The following ZFHX3 variants were observed in gnomAD, a reference collection of about 807,000 sequenced individuals.
ZFHX3 encodes zinc finger homeobox protein 3.
ZFHX3 carries 42 observed loss-of-function variants against 279.1 expected under a neutral mutation model. That is an observed-to-expected ratio of 0.15 (90% CI 0.12 to 0.19). The LOEUF is 0.19. Among genes scored for constraint, ZFHX3 ranks in the 10% least tolerant of loss-of-function variants. ZFHX3 has a pLI of 1.00. For missense variants in ZFHX3, 4,981 were observed against 4,754.0 expected (o/e 1.05, Z -1.40); for synonymous variants, 2,293 against 1,957.8 (o/e 1.17, Z -4.52).
At chr16:73,264,006 A>G (rs1382864594) in intron 4 of ZFHX3, among the ~76,000 whole-genome samples, 3 of 152,114 alleles carry the variant, frequency 2.0e-5, no homozygotes, top group African/African-American at 7.2e-5. Flanking sequence ...GTCCCTACCA[A>G]AAATACATAA....
intron 4 of ZFHX3, among the ~76,000 whole-genome samples, chr16:72,885,083 A>G (rs1480286495): frequency 1.3e-5 from 2 of 152,252 alleles, no homozygotes; most frequent in Non-Finnish European, 2.9e-5. Flanking sequence ...TTTTTAAAAC[A>G]GGAAGGCCCA....
chr16:73,624,036 G>C (rs369917331), intron 2 of ZFHX3, among the ~76,000 whole-genome samples: 1 of 152,068 alleles, frequency 6.6e-6, no homozygotes, highest in African/African-American at 2.4e-5. Flanking sequence ...AGTTGCATCC[G>C]TCCAACCATG....
intron 3 of ZFHX3, among the ~76,000 whole-genome samples, chr16:73,423,840 A>G (rs1222441892): frequency 7.2e-6 from 1 of 139,562 alleles, no homozygotes; most frequent in Non-Finnish European, 1.5e-5. Flanking sequence ...CTAGCTTGTG[A>G]GACAGGGTGA....
intron 1 of ZFHX3, among the ~76,000 whole-genome samples, chr16:73,747,027 T>C (rs1187750100): frequency 6.6e-6 from 1 of 152,208 alleles, no homozygotes; most frequent in South Asian, 2.1e-4. Flanking sequence ...GCACCTTTGT[T>C]TCACAAATGA....
intron 1 of ZFHX3, among the ~76,000 whole-genome samples, chr16:73,688,989 G>A (rs1398474692): frequency 6.6e-6 from 1 of 152,102 alleles, no homozygotes; most frequent in East Asian, 1.9e-4. Flanking sequence ...TCTTTCTTTT[G>A]TGAATTGCCT....
At chr16:72,987,886 A>C (rs1179821735) in intron 1 of ZFHX3, among the ~76,000 whole-genome samples, 1 of 152,096 alleles carries the variant, frequency 6.6e-6, no homozygotes, top group Middle Eastern at 3.2e-3. Flanking sequence ...GGACAGACAA[A>C]CGCCACCTAC....
chr16:73,861,341 A>C (rs568341428), intron 1 of ZFHX3, among the ~76,000 whole-genome samples: 93 of 152,290 alleles, frequency 6.1e-4, no homozygotes, highest in Non-Finnish European at 1.2e-3. Context: ...ATTCTAGGTG[A>C]TGGTTGCCTC....
intron 4 of ZFHX3, among the ~76,000 whole-genome samples, chr16:73,272,807 C>T (rs748173489): frequency 4.6e-5 from 7 of 152,224 alleles, no homozygotes; most frequent in South Asian, 4.2e-4. Flanking sequence ...AGCACAGTGG[C>T]GATGACATGG....
intron 1 of ZFHX3, among the ~76,000 whole-genome samples, chr16:73,863,732 T>C (rs1019697205): frequency 2.0e-5 from 3 of 152,186 alleles, no homozygotes; most frequent in Non-Finnish European, 4.4e-5. Flanking sequence ...TTTTATGCCT[T>C]CTTTATGTCT....
At chr16:73,671,678 G>C (rs2052905432) in intron 2 of ZFHX3, among the ~76,000 whole-genome samples, 1 of 152,206 alleles carries the variant, frequency 6.6e-6, no homozygotes, top group South Asian at 2.1e-4. Context: ...GGAAGTCTAA[G>C]AAAGCAATTG....
At chr16:73,166,438 G>T (rs1967369944) in intron 5 of ZFHX3, among the ~76,000 whole-genome samples, 1 of 152,184 alleles carries the variant, frequency 6.6e-6, no homozygotes, top group Non-Finnish European at 1.5e-5. Context: ...AACCTGGCAG[G>T]CATTTGGATA....
chr16:73,172,428 C>T (rs1597201654), intron 5 of ZFHX3, among the ~76,000 whole-genome samples: 1 of 152,182 alleles, frequency 6.6e-6, no homozygotes, highest in East Asian at 1.9e-4. Context: ...CAAAATAGCC[C>T]CAGCCGAGCT....
chr16:73,004,072 T>C (rs1963605234), intron 1 of ZFHX3, among the ~76,000 whole-genome samples: 1 of 151,796 alleles, frequency 6.6e-6, no homozygotes, highest in Admixed American at 6.6e-5. Context: ...CCTAGATTTA[T>C]TCTTCATGAA....
At chr16:73,061,376 T>G (rs1965682013), upstream of ZFHX3, 1 of 149,688 alleles carries the variant, frequency 6.7e-6, no homozygotes, top group Non-Finnish European at 1.5e-5. Flanking sequence ...CTTGCCTTTT[T>G]TTTTTTTTTT....
upstream of ZFHX3, among the ~76,000 whole-genome samples, chr16:73,051,873 C>G (rs1266923612): frequency 6.6e-6 from 1 of 152,170 alleles, no homozygotes; most frequent in Non-Finnish European, 1.5e-5. Flanking sequence ...ATTTGCCATG[C>G]AAGACTTTTA....
At chr16:73,806,096 A>G (rs1960269054) in intron 1 of ZFHX3, among the ~76,000 whole-genome samples, 1 of 152,340 alleles carries the variant, frequency 6.6e-6, no homozygotes, top group Admixed American at 6.5e-5. Context: ...CAAAGGGGGA[A>G]GCCCCCTATA....
intron 5 of ZFHX3, among the ~76,000 whole-genome samples, chr16:73,175,162 T>G (rs976740375): frequency 6.6e-6 from 1 of 152,044 alleles, no homozygotes; most frequent in African/African-American, 2.4e-5. Context: ...GGCGGATTAC[T>G]TGAGGTCAGG....
At chr16:73,771,392 A>C (rs1363057590) in intron 1 of ZFHX3, among the ~76,000 whole-genome samples, 1 of 152,220 alleles carries the variant, frequency 6.6e-6, no homozygotes, top group African/African-American at 2.4e-5. Flanking sequence ...CTGGTCAGAA[A>C]AAACAAGCAT....
At chr16:73,537,235 G>C (rs1429803275) in intron 2 of ZFHX3, among the ~76,000 whole-genome samples, 2 of 150,462 alleles carry the variant, frequency 1.3e-5, no homozygotes, top group Non-Finnish European at 3.0e-5. Context: ...ACCACTTTCA[G>C]CCCTAAGAGG....
Sources: allele counts gnomAD v4.1 joint callset (sites outside exome capture counted in the v4.1 genomes callset), GRCh38; gene constraint gnomAD v4.1.1; transcripts MANE v1.5; gene names NCBI Gene and HGNC (gene_info 2026-07-23, HGNC 2026-07-21).